Variants in GUCY1A2 observed in about 807,000 individuals in gnomAD.
GUCY1A2 encodes the protein guanylate cyclase soluble subunit alpha-2.
In GUCY1A2, 27 loss-of-function variants were observed where a neutral mutation model predicts 63.5. The observed-to-expected ratio is 0.43, with a 90% confidence interval of 0.31 to 0.59. GUCY1A2 has a LOEUF of 0.59. Ranked by LOEUF, GUCY1A2 falls within the 20% of genes least tolerant of loss-of-function variation. The pLI, the probability that GUCY1A2 is intolerant of heterozygous loss-of-function variation, is 0.11. For synonymous variants in GUCY1A2, 364 were observed against 343.5 expected, an observed-to-expected ratio of 1.06 and a Z score of -0.66; for missense variants, 768 against 913.3, an observed-to-expected ratio of 0.84 and a Z score of 2.05.
At chr11:106,996,838 T>C (rs549551445) in intron 1 of GUCY1A2, among the ~76,000 whole-genome samples, 1 of 152,254 alleles carries the variant, frequency 6.6e-6, no homozygotes, top group East Asian at 1.9e-4. Context: ...AAAAACTCAG[T>C]AAGGGTCTGA....
At chr11:107,008,477 T>A (rs1268606790) in intron 1 of GUCY1A2, among the ~76,000 whole-genome samples, 3 of 152,154 alleles carry the variant, frequency 2.0e-5, no homozygotes, top group African/African-American at 7.2e-5. Flanking sequence ...AACAGTCAGA[T>A]AAAATAATCA....
chr11:106,831,114 G>A (rs1859044332), intron 4 of GUCY1A2, among the ~76,000 whole-genome samples: 1 of 152,100 alleles, frequency 6.6e-6, no homozygotes, highest in African/African-American at 2.4e-5. Context: ...TTCAGTAACA[G>A]TGAAACTCTG....
intron 7 of GUCY1A2, among the ~76,000 whole-genome samples, chr11:106,696,642 A>C (rs923294944): frequency 1.3e-5 from 2 of 152,134 alleles, no homozygotes; most frequent in African/African-American, 4.8e-5. Context: ...GATCATGCAA[A>C]TTTTAATAAC....
intron 4 of GUCY1A2, among the ~76,000 whole-genome samples, chr11:106,909,342 T>C (rs1049537373): frequency 1.1e-4 from 16 of 148,062 alleles, no homozygotes; most frequent in Admixed American, 2.7e-4. Context: ...CTGATTTTCC[T>C]GGTGGTACTC....
intron 6 of GUCY1A2, among the ~76,000 whole-genome samples, chr11:106,768,561 T>TTATTTTCTTCA (rs1488566616): frequency 6.6e-6 from 1 of 152,188 alleles, no homozygotes; most frequent in African/African-American, 2.4e-5. Flanking sequence ...TTTTTTATGC[T>TTATTTTCTTCA]TATTTTCTTC....
intron 6 of GUCY1A2, among the ~76,000 whole-genome samples, chr11:106,755,730 G>GTTCT (rs979520082): frequency 6.6e-6 from 1 of 152,118 alleles, no homozygotes; most frequent in African/African-American, 2.4e-5. Context: ...TGTGATTTCT[G>GTTCT]TTCTTTCACA....
intron 6 of GUCY1A2, among the ~76,000 whole-genome samples, chr11:106,736,998 G>A (rs1863601337): frequency 1.3e-5 from 2 of 152,096 alleles, no homozygotes; most frequent in Admixed American, 6.6e-5. Context: ...TGTCTATGGA[G>A]GGCAGGACTA....
At chr11:106,934,548 A>G (rs536366753) in intron 4 of GUCY1A2, among the ~76,000 whole-genome samples, 18 of 152,332 alleles carry the variant, frequency 1.2e-4, no homozygotes, top group Admixed American at 3.3e-4. Context: ...AGAAAAGATA[A>G]GAGAGTATTC....
chr11:106,890,140 C>A (rs1470313010), intron 4 of GUCY1A2, among the ~76,000 whole-genome samples: 2 of 152,024 alleles, frequency 1.3e-5, no homozygotes, highest in East Asian at 3.9e-4. Context: ...TCTTCATTGC[C>A]CGTTAAATCT....
intron 4 of GUCY1A2, among the ~76,000 whole-genome samples, chr11:106,845,278 C>T (rs571565061): frequency 1.3e-4 from 20 of 149,064 alleles, no homozygotes; most frequent in African/African-American, 4.4e-4. Flanking sequence ...TCCCTGCGGC[C>T]GATTAAAAAA....
intron 4 of GUCY1A2, among the ~76,000 whole-genome samples, chr11:106,811,148 T>G (rs994767588): frequency 5.3e-5 from 8 of 152,022 alleles, no homozygotes; most frequent in African/African-American, 1.7e-4. Context: ...ACTAAAGGAA[T>G]TTGGGTCATA....
rs557248930 is a variant in GUCY1A2, at chr11:106,908,594, G to C, written c.1206+30866C>G. Among the ~76,000 whole-genome samples, 3 of 151,210 alleles carry C rather than the reference G, an allele frequency of 2.0e-5. No individual in the cohort carries two copies. The South Asian group carries it at 6.3e-4, about 32-fold the overall frequency. ...TTTGCAGAGAGAGAGGATGATAAAG[G>C]GTTTTAAACTGAAGATGTGAGGAAT... On this transcript the variant is annotated intron_variant, in intron 4 of 7. Coordinates refer to ENST00000526355, the MANE Select transcript of GUCY1A2 (RefSeq NM_000855.3).
intron 4 of GUCY1A2, among the ~76,000 whole-genome samples, chr11:106,894,183 A>T (rs1860013369): frequency 6.6e-6 from 1 of 152,216 alleles, no homozygotes; most frequent in African/African-American, 2.4e-5. Context: ...GAAACAGAGT[A>T]AGTAAAGTTA....
At chr11:106,849,032 C>A (rs1463322220) in intron 4 of GUCY1A2, among the ~76,000 whole-genome samples, 2 of 151,490 alleles carry the variant, frequency 1.3e-5, no homozygotes, top group African/African-American at 2.4e-5. Flanking sequence ...ACTGATGAGC[C>A]CTGTAAGATT....
At chr11:106,705,719 G>A (rs113660980) in intron 7 of GUCY1A2, among the ~76,000 whole-genome samples, 2 of 152,048 alleles carry the variant, frequency 1.3e-5, no homozygotes, top group Non-Finnish European at 1.5e-5. Flanking sequence ...AATTAGCCAG[G>A]TGTGGTGGCA....
At chr11:106,806,221 CTT>C (rs1220388946) in intron 5 of GUCY1A2, among the ~76,000 whole-genome samples, 5 of 152,054 alleles carry the variant, frequency 3.3e-5, no homozygotes, top group African/African-American at 1.2e-4. Context: ...ATTCTCAACT[CTT>C]TATAGGAAAG....
chr11:106,770,030 AAAAAAT>A (rs1864228974), intron 6 of GUCY1A2, among the ~76,000 whole-genome samples: 1 of 151,940 alleles, frequency 6.6e-6, no homozygotes. Flanking sequence ...ATATGGCATT[AAAAAAT>A]AAAAAAAATA....
intron 4 of GUCY1A2, among the ~76,000 whole-genome samples, chr11:106,882,930 T>C (rs765308687): frequency 1.5e-4 from 23 of 152,040 alleles, no homozygotes; most frequent in African/African-American, 3.9e-4. Flanking sequence ...CCTCATCCCA[T>C]CATTCAGATT....
Position 106,725,382 on chromosome 11 carries a change from C to A in GUCY1A2, c.1837-16716G>T, listed in dbSNP as rs1382956868. Among the ~76,000 whole-genome samples the A allele has an allele frequency of 4.2e-5, 2 of 47,306 alleles. 1 individual carries two copies. The highest frequency in any genetic ancestry group is 1.0e-4 in the Non-Finnish European group (2 of 19,878). The allele number at this position is 47,306 out of a possible 152,430, so 31.0% of individuals were successfully genotyped here. ...AGAGACGGGGTTTCACCGTTTTAGCCGGGATGGTCTCGATCTCCTGACCTC... is the reference window on the plus strand; with the variant it reads ...AGAGACGGGGTTTCACCGTTTTAGCAGGGATGGTCTCGATCTCCTGACCTC... On this transcript the variant is annotated intron_variant, in intron 6 of 7. Transcript: ENST00000526355.
Sources: gnomAD v4.1 joint callset for allele counts (sites outside exome capture counted in the v4.1 genomes callset) on GRCh38, gnomAD v4.1.1 for gene constraint, MANE v1.5 for transcripts, NCBI Gene and HGNC (gene_info 2026-07-23, HGNC 2026-07-21) for gene names.